Variants in ADTRP observed in about 807,000 individuals in gnomAD.
ADTRP encodes the protein androgen dependent TFPI regulating protein.
In ADTRP, 20 loss-of-function variants were observed where a neutral mutation model predicts 27.0. The ratio of observed to expected loss-of-function variants is 0.74; its 90% CI spans 0.52 to 1.08. The LOEUF (loss-of-function observed/expected upper bound fraction) is 1.08, where lower values mean the gene tolerates loss of function less well. ADTRP is among the 50% of genes least tolerant of loss of function. The pLI is 0.00. For missense variants in ADTRP, 251 were observed against 275.0 expected (o/e 0.91, Z 0.62); for synonymous variants, 101 against 105.2 (o/e 0.96, Z 0.25).
At chr6:11,769,243 G>A (rs920416817) in intron 1 of ADTRP, among the ~76,000 whole-genome samples, 3 of 152,140 alleles carry the variant, frequency 2.0e-5, no homozygotes, top group African/African-American at 7.2e-5. Context: ...ATCCTTGAAA[G>A]CCCTGGACTG....
At chr6:11,734,545 A>T (rs754597894) in intron 4 of ADTRP, among the ~76,000 whole-genome samples, 59 of 152,182 alleles carry the variant, frequency 3.9e-4, no homozygotes, top group Non-Finnish European at 7.8e-4. Flanking sequence ...TCAGGGAAAG[A>T]GGGGCACAGA....
chr6:11,721,918 A>C (rs1267751637), intron 5 of ADTRP, among the ~76,000 whole-genome samples: 1 of 132,950 alleles, frequency 7.5e-6, no homozygotes, highest in African/African-American at 2.8e-5. Flanking sequence ...AAATTAACTC[A>C]ATACATTATT....
intron 3 of ADTRP, chr6:11,755,191 T>G (rs1763175852): frequency 4.4e-6 from 2 of 454,744 alleles, no homozygotes; most frequent in Non-Finnish European, 5.8e-6. Context: ...TCCTAGTAAC[T>G]TCTCAGAAGA....
At chr6:11,759,716 A>T (rs942366398) in intron 3 of ADTRP, among the ~76,000 whole-genome samples, 1 of 152,220 alleles carries the variant, frequency 6.6e-6, no homozygotes, top group African/African-American at 2.4e-5. Flanking sequence ...ATATGTTGAT[A>T]TGTTACCTTG....
chr6:11,739,153 T>C (rs1238595463), intron 3 of ADTRP, among the ~76,000 whole-genome samples: 2 of 152,156 alleles, frequency 1.3e-5, no homozygotes, highest in Non-Finnish European at 2.9e-5. Flanking sequence ...CTGCCAAAAA[T>C]TACTGGAAAC....
intron 5 of ADTRP, among the ~76,000 whole-genome samples, chr6:11,722,558 G>A (rs924740718): frequency 7.2e-5 from 11 of 152,088 alleles, no homozygotes; most frequent in Non-Finnish European, 1.6e-4. Flanking sequence ...CGCTTCTCCT[G>A]GGGTAGGGAA....
intron 4 of ADTRP, among the ~76,000 whole-genome samples, chr6:11,727,253 C>A (rs1347208423): frequency 1.3e-5 from 2 of 152,044 alleles, no homozygotes; most frequent in African/African-American, 4.8e-5. Flanking sequence ...AACTCCTGAC[C>A]TTGTGATCCG....
At chr6:11,775,080 T>A (rs550064263) in intron 1 of ADTRP, among the ~76,000 whole-genome samples, 1 of 152,198 alleles carries the variant, frequency 6.6e-6, no homozygotes, top group South Asian at 2.1e-4. Flanking sequence ...TCGACAGTGG[T>A]CCTTCTCCAG....
chr6:11,774,311 AAAAT>A lies in ADTRP; in HGVS notation c.153+4292_153+4295del, dbSNP rs140361069. ...GGGAACAGAGAGAGATTCCATCTCA[AAAAT>A]AAATAAATAAATAAATAAATAAATA... On this transcript the variant is annotated intron_variant, in intron 1 of 5. Coordinates refer to ENST00000414691, the MANE Select transcript of ADTRP (RefSeq NM_032744.4). 3.3e-4 allele frequency among the ~76,000 whole-genome samples: 48 copies of A among 144,710 alleles called. 1 individual carries two copies. Among genetic ancestry groups the A allele is most frequent in the Admixed American group, 1.0e-3 (15 of 14,508 alleles). The allele number at this position is 144,710 out of a possible 152,430, so 94.9% of individuals were successfully genotyped here. A position where few individuals can be genotyped will look rare whatever the true frequency, so the allele number is the denominator to read the frequency against.
rs368745341 is a variant in ADTRP at position 11,778,781 on chromosome 6, C to G, written c.-22G>C. ...TCATGGCGAGTGCTGACCGGGGCAC[C>G]GTGAATGTCTTGAGTACTTTCTGGC... On this transcript the variant is annotated 5_prime_UTR_variant, in exon 1 of 6. Transcript: ENST00000414691. 1.7e-5 allele frequency: 27 copies of G among 1,609,888 alleles called. No individual in the cohort carries two copies. Among genetic ancestry groups the G allele is most frequent in the Non-Finnish European group, 2.0e-5 (24 of 1,177,274 alleles).
intron 4 of ADTRP, among the ~76,000 whole-genome samples, chr6:11,731,995 G>C (rs900704979): frequency 1.3e-5 from 2 of 152,200 alleles, no homozygotes; most frequent in African/African-American, 4.8e-5. Flanking sequence ...GCCTCAGGGA[G>C]AACTAGGTGA....
At chr6:11,727,450 T>A (rs944263706) in intron 4 of ADTRP, among the ~76,000 whole-genome samples, 1 of 152,144 alleles carries the variant, frequency 6.6e-6, no homozygotes, top group Non-Finnish European at 1.5e-5. Flanking sequence ...TTCAAGTAGA[T>A]AGGGCTAGGA....
chr6:11,730,363 T>G (rs1426178723), intron 4 of ADTRP, among the ~76,000 whole-genome samples: 1 of 152,216 alleles, frequency 6.6e-6, no homozygotes, highest in African/African-American at 2.4e-5. Flanking sequence ...AGGTCATATT[T>G]TGGAAACGGT....
chr6:11,770,009 T>G, intron 1 of ADTRP: 1 of 1,551,464 alleles, frequency 6.4e-7, no homozygotes, highest in Non-Finnish European at 8.7e-7. Flanking sequence ...CCCACCACCA[T>G]TTTACAAACG....
At chr6:11,777,630 G>T in intron 1 of ADTRP, among the ~76,000 whole-genome samples, 1 of 152,136 alleles carries the variant, frequency 6.6e-6, no homozygotes, top group East Asian at 1.9e-4. Flanking sequence ...TGTGTTCAGG[G>T]TTCCAATTTT....
At chr6:11,759,808 C>A (rs1561767877) in intron 3 of ADTRP, among the ~76,000 whole-genome samples, 1 of 152,030 alleles carries the variant, frequency 6.6e-6, no homozygotes, top group Non-Finnish European at 1.5e-5. Flanking sequence ...TGGATGGGTC[C>A]ATTGTAATCC....
intron 3 of ADTRP, among the ~76,000 whole-genome samples, chr6:11,737,770 T>C (rs1762594696): frequency 6.6e-6 from 1 of 152,154 alleles, no homozygotes. Context: ...AGGAACAGCA[T>C]TGCAGACAAG....
chr6:11,725,677 T>C (rs946988853), intron 4 of ADTRP, among the ~76,000 whole-genome samples: 3 of 152,146 alleles, frequency 2.0e-5, no homozygotes, highest in Non-Finnish European at 4.4e-5. Flanking sequence ...ATTCCACTTC[T>C]GGGTACACAC....
chr6:11,776,851 G>A (rs746110349), intron 1 of ADTRP, among the ~76,000 whole-genome samples: 5 of 152,184 alleles, frequency 3.3e-5, no homozygotes, highest in Non-Finnish European at 5.9e-5. Flanking sequence ...TGAGGCAGGA[G>A]GGAGCCACTG....
Sources: gnomAD v4.1 joint callset for allele counts (sites outside exome capture counted in the v4.1 genomes callset) on GRCh38, gnomAD v4.1.1 for gene constraint, MANE v1.5 for transcripts, NCBI Gene and HGNC (gene_info 2026-07-23, HGNC 2026-07-21) for gene names.